The following AOPEP variants were observed in gnomAD, a reference collection of about 807,000 sequenced individuals.
The protein encoded by AOPEP is aminopeptidase O (putative).
Under a neutral mutation model 98.1 loss-of-function variants are expected in AOPEP, and 77 were observed. The ratio of observed to expected loss-of-function variants is 0.78; its 90% confidence interval spans 0.65 to 0.95. The LOEUF (loss-of-function observed/expected upper bound fraction) is 0.95, where lower values mean the gene tolerates loss of function less well. Ranked by LOEUF, AOPEP falls within the 40% of genes least tolerant of loss-of-function variation. The probability of loss-of-function intolerance (pLI) is 0.00; values close to 1 mark genes in which losing one functional copy is unlikely to be tolerated. For missense variants in AOPEP, 1,024 were observed against 1,024.7 expected (o/e 1.00, Z 0.01); for synonymous variants, 346 against 365.3 (o/e 0.95, Z 0.60).
chr9:95,074,234 G>C (rs915530915), intron 14 of AOPEP, among the ~76,000 whole-genome samples: 40 of 152,306 alleles, frequency 2.6e-4, no homozygotes, highest in African/African-American at 9.4e-4. Flanking sequence ...GTGGCAGTCT[G>C]TCAGTGGGGT....
intron 5 of AOPEP, among the ~76,000 whole-genome samples, chr9:94,845,568 T>C (rs2042761634): frequency 6.6e-6 from 1 of 152,076 alleles, no homozygotes; most frequent in Non-Finnish European, 1.5e-5. Context: ...AAAAAGCTAA[T>C]AGAGAAATCT....
At chr9:94,741,478 A>T (rs546377765) in intron 1 of AOPEP, among the ~76,000 whole-genome samples, 144 of 151,998 alleles carry the variant, frequency 9.5e-4, no homozygotes, top group Middle Eastern at 3.4e-3. Flanking sequence ...TCACCGTGTT[A>T]GCCAGGATGG....
intron 5 of AOPEP, among the ~76,000 whole-genome samples, chr9:94,842,841 A>G (rs536598205): frequency 5.9e-5 from 9 of 152,338 alleles, no homozygotes; most frequent in East Asian, 1.9e-4. Flanking sequence ...TTTGGCCTCC[A>G]AAGTTTTTAT....
At chr9:94,983,636 C>G (rs1444532078) in intron 11 of AOPEP, among the ~76,000 whole-genome samples, 2 of 152,320 alleles carry the variant, frequency 1.3e-5, no homozygotes, top group East Asian at 3.9e-4. Flanking sequence ...TACCAGCAGA[C>G]TGGTCAAAGT....
At chr9:94,747,080 T>C (rs1036417364) in intron 1 of AOPEP, among the ~76,000 whole-genome samples, 41 of 148,398 alleles carry the variant, frequency 2.8e-4, no homozygotes, top group Non-Finnish European at 4.9e-4. Context: ...CACAATAGAG[T>C]CTTTCATTAC....
intron 11 of AOPEP, among the ~76,000 whole-genome samples, chr9:94,998,935 C>T (rs1302079501): frequency 1.3e-5 from 2 of 152,072 alleles, no homozygotes; most frequent in East Asian, 3.9e-4. Flanking sequence ...TTGATGATGT[C>T]TGTATAGTAT....
intron 2 of AOPEP, among the ~76,000 whole-genome samples, chr9:94,762,040 G>A (rs1313858356): frequency 6.6e-6 from 1 of 152,160 alleles, no homozygotes; most frequent in African/African-American, 2.4e-5. Context: ...AATATTTATG[G>A]CCTCAAACAT....
chr9:94,846,282 C>T (rs1366986939), intron 5 of AOPEP, among the ~76,000 whole-genome samples: 4 of 152,030 alleles, frequency 2.6e-5, no homozygotes, highest in Non-Finnish European at 4.4e-5. Context: ...GCGGACTGAG[C>T]TGTGGTGTCA....
the AOPEP span, among the ~76,000 whole-genome samples, chr9:95,118,022 TTTTG>T: frequency 6.7e-6 from 1 of 149,258 alleles, no homozygotes; most frequent in Non-Finnish European, 1.5e-5. Context: ...CCCGGCTTGT[TTTTG>T]TTTTTTTATT....
chr9:95,018,817 A>G (rs995549725), intron 13 of AOPEP: 1 of 152,230 alleles, frequency 6.6e-6, no homozygotes, highest in Non-Finnish European at 1.5e-5. Context: ...GTGAAAGGGC[A>G]GATACGTGCC....
chr9:94,732,867 A>G (rs1830865510), intron 1 of AOPEP, among the ~76,000 whole-genome samples: 1 of 152,242 alleles, frequency 6.6e-6, no homozygotes, highest in Non-Finnish European at 1.5e-5. Flanking sequence ...GGCAGATAGC[A>G]CAGATCTGTC....
chr9:95,103,077 G>A, the AOPEP span, among the ~76,000 whole-genome samples: 1 of 152,122 alleles, frequency 6.6e-6, no homozygotes, highest in East Asian at 1.9e-4. Context: ...CCTTCATCAA[G>A]GAAACAATGT....
chr9:94,869,040 C>G (rs2046023040), intron 5 of AOPEP, among the ~76,000 whole-genome samples: 1 of 151,976 alleles, frequency 6.6e-6, no homozygotes, highest in Admixed American at 6.6e-5. Context: ...ACCAGCCTGG[C>G]CAGCATGGTG....
At chr9:95,141,985 G>GTTTTTTTTTTTTTT in the AOPEP span, among the ~76,000 whole-genome samples, 2 of 83,136 alleles carry the variant, frequency 2.4e-5, no homozygotes, top group East Asian at 4.1e-4. Context: ...AGTTTGTGGG[G>GTTTTTTTTTTTTTT]TTTTTTTTTT....
intron 7 of AOPEP, among the ~76,000 whole-genome samples, chr9:94,938,116 A>G (rs143153420): frequency 6.6e-6 from 1 of 152,156 alleles, no homozygotes; most frequent in African/African-American, 2.4e-5. Flanking sequence ...CTTGTGATCC[A>G]CCTGCCTTGG....
chr9:95,125,684 A>G, the AOPEP span, among the ~76,000 whole-genome samples: 2 of 152,152 alleles, frequency 1.3e-5, no homozygotes, highest in African/African-American at 4.8e-5. Flanking sequence ...AAAACTCTCA[A>G]ATTTTGCTAG....
intron 5 of AOPEP, among the ~76,000 whole-genome samples, chr9:94,869,286 T>G (rs1159434875): frequency 2.0e-5 from 3 of 152,198 alleles, no homozygotes; most frequent in Non-Finnish European, 4.4e-5. Context: ...GTTTTAAAAA[T>G]TTGTCCATGT....
chr9:94,963,782 A>C (rs140985914), intron 9 of AOPEP, among the ~76,000 whole-genome samples: 1 of 152,204 alleles, frequency 6.6e-6, no homozygotes, highest in African/African-American at 2.4e-5. Context: ...AAAACTGCCA[A>C]TACACTGTAG....
intron 14 of AOPEP, among the ~76,000 whole-genome samples, chr9:95,078,631 C>A (rs544806785): frequency 1.3e-5 from 2 of 152,268 alleles, no homozygotes; most frequent in Non-Finnish European, 2.9e-5. Flanking sequence ...CCCCAGCTGT[C>A]GCTCCCATCC....
Sources: gnomAD v4.1 joint callset for allele counts (sites outside exome capture counted in the v4.1 genomes callset) on GRCh38, gnomAD v4.1.1 for gene constraint, MANE v1.5 for transcripts, NCBI Gene and HGNC (gene_info 2026-07-23, HGNC 2026-07-21) for gene names.